The following SMARCA4 variants were observed in gnomAD, a reference collection of about 807,000 sequenced individuals.
SMARCA4 encodes SWI/SNF related BAF chromatin remodeling complex subunit ATPase 4.
Under a neutral mutation model 193.9 loss-of-function variants are expected in SMARCA4, and 31 were observed. The ratio of observed to expected loss-of-function variants is 0.16; its 90% CI spans 0.12 to 0.22. SMARCA4 has a LOEUF of 0.22. Among genes scored for constraint, SMARCA4 ranks in the 10% least tolerant of loss-of-function variants. The probability of loss-of-function intolerance (pLI) is 1.00; values close to 1 mark genes in which losing one functional copy is unlikely to be tolerated. For missense variants in SMARCA4, 1,148 were observed against 2,296.0 expected, an observed-to-expected ratio of 0.50 and a Z score of 10.22; for synonymous variants, 942 against 933.1, an observed-to-expected ratio of 1.01 and a Z score of -0.17.
rs1196271851 is a variant in SMARCA4 at position 11,047,472 on chromosome 19, T to A, written c.4424+5912T>A. 5 of 151,482 alleles carry A rather than the reference T, an allele frequency of 3.3e-5. 1 individual carries two copies. The highest frequency in any genetic ancestry group is 4.2e-4 in the South Asian group (2 of 4,768). The allele number at this position is 151,482 out of a possible 1,614,324, so 9.4% of individuals were successfully genotyped here. On this transcript the variant is annotated intron_variant, in intron 30 of 34. Coordinates refer to ENST00000344626, the MANE Select transcript of SMARCA4 (RefSeq NM_003072.5). ...CACTCAGGCTGGAGTGCAGTGGCAC[T>A]ATCTTGGCTCACTGTAACCTCTGCC... is the stretch of plus-strand genomic sequence containing the variant.
chr19:11,013,976 A>T (rs540188922), intron 16 of SMARCA4, among the ~76,000 whole-genome samples: 23 of 152,074 alleles, frequency 1.5e-4, no homozygotes, highest in African/African-American at 5.1e-4. Context: ...CTAAAGGGGG[A>T]CCTGCCTAGG....
chr19:10,984,008 A>T lies in SMARCA4; in HGVS notation c.-31-113A>T. The T allele has an allele frequency of 3.9e-6, 3 of 777,654 alleles. No homozygotes were observed. 48.2% of individuals were successfully genotyped at this position (777,654 alleles called of 1,614,324 possible). ...GGTTTGGGTGGCTGGTGGGGAAGGTACTGGCTTCCTGTGGGATGTAGATTC... is the reference window on the plus strand; with the variant it reads ...GGTTTGGGTGGCTGGTGGGGAAGGTTCTGGCTTCCTGTGGGATGTAGATTC... On this transcript the variant is annotated intron_variant, in intron 1 of 34. Coordinates refer to ENST00000344626, the MANE Select transcript of SMARCA4 (RefSeq NM_003072.5). The surrounding 1 kb of genome is among the most constrained non-coding windows in gnomAD (Gnocchi z 4.3).
intron 1 of SMARCA4, among the ~76,000 whole-genome samples, chr19:10,969,604 A>C (rs550195975): frequency 2.7e-4 from 40 of 150,648 alleles, no homozygotes; most frequent in African/African-American, 9.5e-4. Flanking sequence ...CTAATTTTGT[A>C]TTTTTAGTAG....
In SMARCA4 at chr19:11,033,266, A is replaced by G. The variant is rs1221967734; in HGVS notation, c.3547-24A>G. The G allele has an allele frequency of 6.3e-7, 1 of 1,593,224 alleles. No homozygotes were observed. On this transcript the variant is annotated intron_variant, in intron 25 of 34. Coordinates refer to ENST00000344626, the MANE Select transcript of SMARCA4 (RefSeq NM_003072.5). This position sits in a 1 kb window ranked among gnomAD's most constrained non-coding sequence, Gnocchi z 9.8. ...TTATGACCTCCTGGGCTCCTTTGGG[A>G]CTGACTGGCACCTCTTCCCCCAGGA...
rs369201773 is a variant in SMARCA4 at position 11,025,517 on chromosome 19, G to A, written c.3168+9G>A. On this transcript the variant is annotated intron_variant, in intron 22 of 34. Transcript: ENST00000344626. ...TGTTCCAGCACATCGAGGTGAGCCC[G>A]CCGCGGCTGGGACGGCTCAGGCCCT... 6.0e-5 allele frequency: 96 copies of A among 1,608,820 alleles called. No homozygotes were observed. Among genetic ancestry groups the A allele is most frequent in the South Asian group, 2.4e-4 (22 of 90,982 alleles).
chr19:11,010,258 T>C, intron 14 of SMARCA4, 123 bp from the exon 15 acceptor site: 1 of 1,121,802 alleles, frequency 8.9e-7, no homozygotes, highest in Non-Finnish European at 1.3e-6. Flanking sequence ...TCTATGTGTC[T>C]TACAGTGCTG....
intron 1 of SMARCA4, among the ~76,000 whole-genome samples, chr19:10,974,945 G>T (rs1250316511): frequency 6.7e-6 from 1 of 148,346 alleles, no homozygotes; most frequent in Non-Finnish European, 1.5e-5. Context: ...TGATCCGCTC[G>T]CCTCAGCTTC....
rs546226740 is a variant in SMARCA4 at position 10,967,916 on chromosome 19, G to A, written c.-32+6742G>A. Among the ~76,000 whole-genome samples, 60 of 149,026 alleles carry A rather than the reference G, an allele frequency of 4.0e-4. 1 individual carries two copies. The highest frequency in any genetic ancestry group is 1.5e-3 in the African/African-American group (59 of 40,368). The stretch of plus-strand genomic sequence containing the variant: ...TTTTGAGACGGAGTCTTGCTTAGTT[G>A]CCCAGGCTGGAGTGCAATGGCACGA... On this transcript the variant is annotated intron_variant, in intron 1 of 34. Transcript: ENST00000344626.
intron 18 of SMARCA4, 55 bp from the exon 19 acceptor site, chr19:11,021,670 A>C (rs1297389747): frequency 6.4e-7 from 1 of 1,561,810 alleles, no homozygotes; most frequent in Admixed American, 1.9e-5. Context: ...GATTCTCCCC[A>C]TGTGCCGGGC....
At chr19:11,059,423 T>C (rs1405203615) in intron 32 of SMARCA4, among the ~76,000 whole-genome samples, 2 of 152,214 alleles carry the variant, frequency 1.3e-5, no homozygotes, top group Non-Finnish European at 2.9e-5. Flanking sequence ...AGATGCTGGC[T>C]TCAACAAGGG....
chr19:11,053,299 C>T (rs545480745), intron 30 of SMARCA4, among the ~76,000 whole-genome samples: 28 of 152,158 alleles, frequency 1.8e-4, no homozygotes, highest in African/African-American at 6.3e-4. Flanking sequence ...GCCTGGCCAA[C>T]GTGGCAAAAC....
At chr19:11,042,291 A>G (rs147526785) in intron 30 of SMARCA4, among the ~76,000 whole-genome samples, 112 of 152,378 alleles carry the variant, frequency 7.4e-4, no homozygotes, top group African/African-American at 2.5e-3. Flanking sequence ...GAGCGACTCT[A>G]TATGGGTACC....
chr19:11,007,429 C>CA (rs1188457080), intron 13 of SMARCA4, among the ~76,000 whole-genome samples: 3,564 of 55,226 alleles, frequency 0.065, 104 homozygotes, highest in Middle Eastern at 0.1. Context: ...CACTTCGTCT[C>CA]AAAAAAAAAA....
chr19:11,054,522 C>T (rs1332180526), intron 30 of SMARCA4, among the ~76,000 whole-genome samples: 1 of 152,164 alleles, frequency 6.6e-6, no homozygotes. Context: ...GGGCCAGGTG[C>T]GGTGGCTCAG....
In SMARCA4 at chr19:11,061,888, G is replaced by A. The variant is rs1248458375; in HGVS notation, c.*72G>A. The A allele has an allele frequency of 4.4e-6, 6 of 1,348,886 alleles. No individual in the cohort carries two copies. Among genetic ancestry groups the A allele is most frequent in the South Asian group, 3.5e-5 (3 of 85,908 alleles). The allele number at this position is 1,348,886 out of a possible 1,614,324, so 83.6% of individuals were successfully genotyped here. On this transcript the variant is annotated 3_prime_UTR_variant, in exon 35 of 35. Coordinates refer to ENST00000344626, the MANE Select transcript of SMARCA4 (RefSeq NM_003072.5). The stretch of plus-strand genomic sequence containing the variant: ...AGATGGCATAGGCCTTAGCAGTAAC[G>A]GGTAGCAGCAGATGTAGTTTCAGAC...
rs1309298240 is a variant in SMARCA4 at position 11,034,571 on chromosome 19, G to A, written c.3952-343G>A. Among the ~76,000 whole-genome samples the A allele has an allele frequency of 6.6e-6, 1 of 152,176 alleles. No individual in the cohort carries two copies. The highest frequency in any genetic ancestry group is 1.5e-5 in the Non-Finnish European group (1 of 68,030). ...CCCCCTTGCCCCTGGGTGGGAAACA[G>A]GAAATAAGCCACCCAAGCAGGGGCC... On this transcript the variant is annotated intron_variant, in intron 28 of 34. Transcript: ENST00000344626. This position sits in a 1 kb window ranked among gnomAD's most constrained non-coding sequence, Gnocchi z 7.0.
At position 10,986,765 on chromosome 19, in the gene SMARCA4, C is replaced by T. The variant is rs1213870707; in HGVS notation, c.761-140C>T. ...GGTGGGGGCAGCTAAATGCTGCTTC[C>T]CCAGCTCCCCGCTTCCCCTGGGGCC... On this transcript the variant is annotated intron_variant, in intron 4 of 34. Transcript: ENST00000344626. The surrounding 1 kb of genome is among the most constrained non-coding windows in gnomAD (Gnocchi z 6.7). The T allele has an allele frequency of 8.2e-7, 1 of 1,212,154 alleles. No homozygotes were observed. 75.1% of individuals were successfully genotyped at this position (1,212,154 alleles called of 1,614,324 possible). A position where few individuals can be genotyped will look rare whatever the true frequency, so the allele number is the denominator to read the frequency against.
At chr19:11,023,461 C>A in intron 19 of SMARCA4, 57 bp from the exon 20 acceptor site, 1 of 1,107,080 alleles carries the variant, frequency 9.0e-7, no homozygotes. Flanking sequence ...TCTAGTGAGA[C>A]CTCTGTCGCC....
chr19:11,048,838 C>T (rs1358156481), intron 30 of SMARCA4, among the ~76,000 whole-genome samples: 2 of 152,204 alleles, frequency 1.3e-5, no homozygotes, highest in African/African-American at 2.4e-5. Flanking sequence ...CCTCATCATA[C>T]GTGTACAGTT....
Sources: allele counts gnomAD v4.1 joint callset (sites outside exome capture counted in the v4.1 genomes callset), GRCh38; gene constraint gnomAD v4.1.1; non-coding constraint Gnocchi (gnomAD v3.1); transcripts MANE v1.5; gene names NCBI Gene and HGNC (gene_info 2026-07-23, HGNC 2026-07-21).